UNC13C: variants seen among roughly 807,000 people sequenced by gnomAD.
UNC13C encodes protein unc-13 homolog C.
Under a neutral mutation model 245.4 loss-of-function variants are expected in UNC13C, and 174 were observed. The ratio of observed to expected loss-of-function variants is 0.71; its 90% CI spans 0.63 to 0.80. The LOEUF is 0.80. Ranked by LOEUF, UNC13C falls within the 30% of genes least tolerant of loss-of-function variation. The pLI is 0.00. For synonymous variants in UNC13C, 992 were observed against 895.1 expected, an observed-to-expected ratio of 1.11 and a Z score of -1.93; for missense variants, 2,829 against 2,602.9, an observed-to-expected ratio of 1.09 and a Z score of -1.89.
chr15:54,579,651 T>C (rs888219987), intron 30 of UNC13C, among the ~76,000 whole-genome samples: 1 of 152,070 alleles, frequency 6.6e-6, no homozygotes, highest in East Asian at 1.9e-4. Context: ...CCCAGCTACT[T>C]GGGATGCTAA....
intron 10 of UNC13C, among the ~76,000 whole-genome samples, chr15:54,290,609 G>T (rs1363927136): frequency 1.3e-5 from 2 of 151,990 alleles, no homozygotes; most frequent in South Asian, 2.1e-4. Context: ...TATGTATTAT[G>T]TAGAAAGACA....
Position 54,393,055 on chromosome 15 carries a change from A to G in UNC13C, c.4721A>G (p.Lys1574Arg). The G allele has an allele frequency of 6.2e-7, 1 of 1,602,500 alleles. No homozygotes were observed. The highest frequency in any genetic ancestry group is 1.1e-5 in the South Asian group (1 of 89,272). ...LYSQLTDPSK[K>R]QDIPREDQGP... ...GCGTGAACTTGTGAGCAGAGTAAGA[A>G]ACAGGATATTCCTCGTGAAGATCAG... is the stretch of plus-strand genomic sequence containing the variant. The change falls in exon 18 of 33, where the codon AAA becomes AGA. Residue 1574 changes from lysine to arginine, a missense_variant. Transcript: ENST00000260323.
intron 10 of UNC13C, among the ~76,000 whole-genome samples, chr15:54,272,924 C>T (rs560185544): frequency 6.6e-6 from 1 of 152,254 alleles, no homozygotes; most frequent in South Asian, 2.1e-4. Context: ...AATCAAGATG[C>T]ATGTTTAGAG....
At chr15:54,195,754 A>T (rs1001789504) in intron 4 of UNC13C, among the ~76,000 whole-genome samples, 5 of 152,152 alleles carry the variant, frequency 3.3e-5, no homozygotes, top group Admixed American at 3.3e-4. Context: ...GTGGTATAAT[A>T]TGACATTGCA....
chr15:53,925,379 G>T, the UNC13C span, among the ~76,000 whole-genome samples: 1 of 152,084 alleles, frequency 6.6e-6, no homozygotes, highest in East Asian at 1.9e-4. Flanking sequence ...AAACCCCAAA[G>T]GGTCTGTGTT....
intron 4 of UNC13C, among the ~76,000 whole-genome samples, chr15:54,172,791 T>C (rs554457580): frequency 2.8e-5 from 4 of 140,608 alleles, no homozygotes; most frequent in Non-Finnish European, 6.1e-5. Context: ...TTGGGTCTTG[T>C]CTAAGAAGTA....
At chr15:53,961,961 T>G in the UNC13C span, among the ~76,000 whole-genome samples, 1 of 152,228 alleles carries the variant, frequency 6.6e-6, no homozygotes, top group Admixed American at 6.5e-5. Flanking sequence ...TTTAATGTCT[T>G]TCTTCATTTC....
chr15:54,030,098 T>C (rs1359216879), intron 2 of UNC13C, among the ~76,000 whole-genome samples: 1 of 152,080 alleles, frequency 6.6e-6, no homozygotes, highest in Non-Finnish European at 1.5e-5. Flanking sequence ...GTTCAGTCAT[T>C]CATCCTTATA....
rs1293590720 is a variant in UNC13C, at chr15:54,623,903, C to T, written c.6308C>T (p.Thr2103Ile). 1.2e-6 allele frequency: 2 copies of T among 1,613,032 alleles called. No individual in the cohort carries two copies. Among genetic ancestry groups the T allele is most frequent in the Non-Finnish European group, 1.7e-6 (2 of 1,179,434 alleles). ...GGAGACAAGAAGAGAAAACAAGGCA[C>T]AAAAACAAAAAGCAACACATGGTCA... ...NLGDKKRKQG[T>I]KTKSNTWSPK... The change falls in exon 32 of 33, where the codon ACA becomes ATA. Residue 2103 changes from threonine (T) to isoleucine (I), a missense_variant. By Grantham distance (89) the Thr-to-Ile change is moderately conservative. Transcript: ENST00000260323.
chr15:54,063,332 G>A (rs532386109), intron 2 of UNC13C, among the ~76,000 whole-genome samples: 3 of 152,142 alleles, frequency 2.0e-5, no homozygotes, highest in Non-Finnish European at 4.4e-5. Context: ...GAGGTGTGTG[G>A]TGGGGAAGGG....
chr15:54,525,519 A>C, intron 24 of UNC13C, 30 bp from the exon 25 acceptor site: 4 of 1,572,960 alleles, frequency 2.5e-6, no homozygotes, highest in Non-Finnish European at 3.5e-6. Flanking sequence ...TCAAAACTCC[A>C]AAGTAATATT....
At chr15:53,941,461 T>G in the UNC13C span, among the ~76,000 whole-genome samples, 2 of 152,106 alleles carry the variant, frequency 1.3e-5, no homozygotes, top group Non-Finnish European at 2.9e-5. Context: ...CTAATTAAAC[T>G]AGAGTTTCTG....
intron 2 of UNC13C, chr15:54,048,698 T>G (rs562435319): frequency 3.3e-6 from 1 of 301,852 alleles, no homozygotes; most frequent in African/African-American, 2.2e-5. Flanking sequence ...AGCAAAGTCT[T>G]ACATCATCTT....
Position 54,264,207 on chromosome 15 carries a change from A to C in UNC13C, c.3488A>C (p.Lys1163Thr), listed in dbSNP as rs1344985620. Residue 1163 changes from lysine (K) to threonine (T), a missense_variant, in exon 9 of 33, where the codon AAG becomes ACG. Lys to Thr is a moderately conservative substitution (Grantham distance 78, BLOSUM62 -1). Transcript: ENST00000260323. The stretch of plus-strand genomic sequence containing the variant: ...AGTTCTAAACATGGTGCCGAAGACA[A>C]GACTCAGACCATTATTACAGCAATG... ...EKSSKHGAED[K>T]TQTIITAMKE... 6.3e-7 allele frequency: 1 copy of C among 1,591,508 alleles called. No homozygotes were observed. The highest frequency in any genetic ancestry group is 1.3e-5 in the African/African-American group (1 of 74,598).
chr15:54,412,544 A>G (rs1382489931), intron 18 of UNC13C, among the ~76,000 whole-genome samples: 1 of 152,236 alleles, frequency 6.6e-6, no homozygotes, highest in Non-Finnish European at 1.5e-5. Context: ...GAGCAAAACC[A>G]TATCAGATGC....
chr15:54,627,019 T>G lies in UNC13C; in HGVS notation c.6551T>G (p.Ile2184Ser). The change falls in exon 33 of 33, where the codon ATC becomes AGC. Residue 2184 changes from isoleucine to serine, a missense_variant. Coordinates refer to ENST00000260323, the MANE Select transcript of UNC13C (RefSeq NM_001080534.3). ...NISMDETGLT[I>S]LRILSQRTSD... Reference sequence around the variant, plus strand: ...TCTATGGATGAAACTGGTTTGACTATCCTTAGAATACTCTCTCAGAGGACC... The same window carrying G: ...TCTATGGATGAAACTGGTTTGACTAGCCTTAGAATACTCTCTCAGAGGACC... The G allele has an allele frequency of 6.2e-7, 1 of 1,613,398 alleles. No individual in the cohort carries two copies. The highest frequency in any genetic ancestry group is 8.5e-7 in the Non-Finnish European group (1 of 1,179,552).
chr15:54,399,879 T>G (rs969411115), intron 18 of UNC13C, among the ~76,000 whole-genome samples: 1 of 151,962 alleles, frequency 6.6e-6, no homozygotes, highest in African/African-American at 2.4e-5. Flanking sequence ...AGTATTAAAG[T>G]TCTTGATTTG....
At chr15:53,879,728 C>G in the UNC13C span, among the ~76,000 whole-genome samples, 1 of 152,138 alleles carries the variant, frequency 6.6e-6, no homozygotes, top group African/African-American at 2.4e-5. Context: ...GCTGGGATTA[C>G]AGGCATCCAC....
intron 10 of UNC13C, among the ~76,000 whole-genome samples, chr15:54,271,934 T>C (rs907792921): frequency 6.6e-6 from 1 of 152,184 alleles, no homozygotes; most frequent in African/African-American, 2.4e-5. Context: ...GAGTGACCGT[T>C]ATATGTAAAG....
Sources: allele counts gnomAD v4.1 joint callset (sites outside exome capture counted in the v4.1 genomes callset), GRCh38; gene constraint gnomAD v4.1.1; transcripts MANE v1.5; gene names NCBI Gene and HGNC (gene_info 2026-07-23, HGNC 2026-07-21).